The following CAMKMT variants were observed in gnomAD, a reference collection of about 807,000 sequenced individuals.
The protein encoded by CAMKMT is CaM KMT.
Under a neutral mutation model 48.0 loss-of-function variants are expected in CAMKMT, and 53 were observed. That is an observed-to-expected ratio of 1.10 (90% CI 0.89 to 1.39). CAMKMT has a LOEUF of 1.39. Among genes scored for constraint, CAMKMT ranks in the 40% most tolerant of loss-of-function variants. The pLI, the probability that CAMKMT is intolerant of heterozygous loss-of-function variation, is 0.00. For synonymous variants in CAMKMT, 165 were observed against 152.3 expected (o/e 1.08, Z -0.61); for missense variants, 428 against 402.7 (o/e 1.06, Z -0.54).
chr2:44,526,525 G>A (rs1490996328), intron 3 of CAMKMT, among the ~76,000 whole-genome samples: 1 of 152,174 alleles, frequency 6.6e-6, no homozygotes, highest in African/African-American at 2.4e-5. Context: ...GAACCAGGTG[G>A]CCAGCAGTGC....
chr2:44,658,223 C>G (rs780117155), intron 3 of CAMKMT, among the ~76,000 whole-genome samples: 1 of 152,164 alleles, frequency 6.6e-6, no homozygotes, highest in Non-Finnish European at 1.5e-5. Flanking sequence ...TCTAGTGCGG[C>G]TGAGAATTTA....
intron 3 of CAMKMT, among the ~76,000 whole-genome samples, chr2:44,638,456 C>T (rs1002816242): frequency 2.6e-5 from 4 of 152,142 alleles, no homozygotes; most frequent in African/African-American, 9.7e-5. Flanking sequence ...TAAAAAATTA[C>T]CAAGAAGTCT....
intron 3 of CAMKMT, among the ~76,000 whole-genome samples, chr2:44,475,336 G>C (rs1341636034): frequency 8.1e-6 from 1 of 122,736 alleles, no homozygotes; most frequent in Non-Finnish European, 1.7e-5. Flanking sequence ...TTTTTTTTTT[G>C]AGATGGAGTC....
chr2:44,520,055 C>CA (rs34844162), intron 3 of CAMKMT, among the ~76,000 whole-genome samples: 81,453 of 138,360 alleles, frequency 0.59, 24,291 homozygotes, highest in Non-Finnish European at 0.68. Context: ...ACTAAAAATA[C>CA]AAAAAAAAAA....
intron 3 of CAMKMT, among the ~76,000 whole-genome samples, chr2:44,652,710 G>A (rs1484929172): frequency 6.6e-6 from 1 of 152,214 alleles, no homozygotes; most frequent in Admixed American, 6.5e-5. Context: ...TAAGAGAAAA[G>A]GCGGGGTCTA....
At chr2:44,599,049 A>G (rs1363715502) in intron 3 of CAMKMT, among the ~76,000 whole-genome samples, 1 of 152,068 alleles carries the variant, frequency 6.6e-6, no homozygotes, top group Non-Finnish European at 1.5e-5. Flanking sequence ...CAAGGTAGAG[A>G]GTAAAATCCT....
intron 3 of CAMKMT, among the ~76,000 whole-genome samples, chr2:44,543,822 G>C (rs1287523497): frequency 2.0e-5 from 3 of 152,150 alleles, no homozygotes; most frequent in Non-Finnish European, 2.9e-5. Flanking sequence ...ATGAAAGCCA[G>C]AATACTATTT....
intron 2 of CAMKMT, among the ~76,000 whole-genome samples, chr2:44,384,168 T>C (rs978087418): frequency 6.6e-6 from 1 of 152,214 alleles, no homozygotes; most frequent in Non-Finnish European, 1.5e-5. Context: ...ATAGCCATTC[T>C]TGCAGGAGTA....
intron 3 of CAMKMT, among the ~76,000 whole-genome samples, chr2:44,699,099 A>G (rs996587111): frequency 1.3e-5 from 2 of 152,118 alleles, no homozygotes; most frequent in Non-Finnish European, 2.9e-5. Flanking sequence ...AAAATCATCC[A>G]CGAATGTTGA....
At chr2:44,513,894 A>C (rs1243093515) in intron 3 of CAMKMT, among the ~76,000 whole-genome samples, 29 of 152,108 alleles carry the variant, frequency 1.9e-4, no homozygotes, top group Non-Finnish European at 3.4e-4. Flanking sequence ...TGAGCCCAGG[A>C]GTTCAAGACC....
intron 9 of CAMKMT, 119 bp downstream of exon 9, chr2:44,754,237 T>C (rs1680275356): frequency 2.7e-6 from 2 of 745,212 alleles, no homozygotes; most frequent in Non-Finnish European, 4.5e-6. Context: ...ATACTTATTA[T>C]GTCCAACTTC....
intron 3 of CAMKMT, among the ~76,000 whole-genome samples, chr2:44,577,079 C>T (rs750784428): frequency 6.6e-6 from 1 of 152,154 alleles, no homozygotes; most frequent in Non-Finnish European, 1.5e-5. Context: ...AAATAATTCC[C>T]CAGGATAGGA....
At chr2:44,409,195 A>T (rs185768810) in intron 3 of CAMKMT, among the ~76,000 whole-genome samples, 2 of 138,894 alleles carry the variant, frequency 1.4e-5, no homozygotes, top group African/African-American at 5.7e-5. Flanking sequence ...ATATTGCTAC[A>T]TAAAGACAAC....
At chr2:44,368,996 G>C (rs76244558) in intron 1 of CAMKMT, among the ~76,000 whole-genome samples, 8,205 of 152,030 alleles carry the variant, frequency 0.054, 280 homozygotes, top group South Asian at 0.13. Flanking sequence ...AGCAGTTCTC[G>C]TGCCTCAGCC....
intron 3 of CAMKMT, among the ~76,000 whole-genome samples, chr2:44,694,615 A>C (rs557355647): frequency 6.6e-6 from 1 of 152,292 alleles, no homozygotes; most frequent in East Asian, 1.9e-4. Flanking sequence ...CAATAACAAC[A>C]ACAAAGTGGT....
At chr2:44,368,014 T>C (rs1482849443) in intron 1 of CAMKMT, among the ~76,000 whole-genome samples, 1 of 152,242 alleles carries the variant, frequency 6.6e-6, no homozygotes. Context: ...GGTCTTTGAC[T>C]TCCATTGTGT....
chr2:44,419,610 C>T (rs747214289), intron 3 of CAMKMT, among the ~76,000 whole-genome samples: 4 of 152,206 alleles, frequency 2.6e-5, no homozygotes, highest in African/African-American at 7.2e-5. Context: ...AAGACAGTCT[C>T]GCTCTGTCAC....
chr2:44,402,095 G>C (rs1682423119), intron 3 of CAMKMT, among the ~76,000 whole-genome samples: 1 of 152,206 alleles, frequency 6.6e-6, no homozygotes, highest in Non-Finnish European at 1.5e-5. Context: ...GGGAGGCCAA[G>C]GCGGGTGGAT....
chr2:44,375,072 A>G (rs963982450), intron 2 of CAMKMT, among the ~76,000 whole-genome samples: 2 of 152,168 alleles, frequency 1.3e-5, no homozygotes, highest in African/African-American at 4.8e-5. Context: ...TCAAGGCTGC[A>G]GTGAGCCATA....
Sources: gnomAD v4.1 joint callset for allele counts (sites outside exome capture counted in the v4.1 genomes callset) on GRCh38, gnomAD v4.1.1 for gene constraint, MANE v1.5 for transcripts, NCBI Gene and HGNC (gene_info 2026-07-23, HGNC 2026-07-21) for gene names.